Variants in HMG20A observed in about 807,000 individuals in gnomAD.
HMG20A encodes the protein high mobility group protein 20A.
In HMG20A, 17 loss-of-function variants were observed where a neutral mutation model predicts 43.9. That is an observed-to-expected ratio of 0.39 (90% CI 0.27 to 0.58). The LOEUF is 0.58. Ranked by LOEUF, HMG20A falls within the 20% of genes least tolerant of loss-of-function variation. The pLI is 0.59. For synonymous variants in HMG20A, 132 were observed against 147.5 expected, an observed-to-expected ratio of 0.89 and a Z score of 0.76; for missense variants, 341 against 438.2, an observed-to-expected ratio of 0.78 and a Z score of 1.98.
chr15:77,458,443 C>T lies in HMG20A; in HGVS notation c.36C>T (p.Pro12=), dbSNP rs755764606. 10 of 1,613,478 alleles carry T rather than the reference C, an allele frequency of 6.2e-6. No homozygotes were observed. Among genetic ancestry groups the T allele is most frequent in the Non-Finnish European group, 6.8e-6 (8 of 1,179,562 alleles). Residue 12 remains proline, a synonymous_variant, in exon 2 of 10, where the codon CCC becomes CCT. Coordinates refer to ENST00000336216, the MANE Select transcript of HMG20A (RefSeq NM_001304504.2). ...ENLMTSSTLP[P]LFADEDGSKE... is the part of the protein sequence containing the mutation. ...TGATGACTAGCTCCACCCTACCGCC[C>T]CTTTTTGCAGATGAAGACGGTTCCA... is the stretch of plus-strand genomic sequence containing the variant.
At chr15:77,511,561 C>T in the HMG20A span, among the ~76,000 whole-genome samples, 2 of 152,190 alleles carry the variant, frequency 1.3e-5, no homozygotes, top group Non-Finnish European at 2.9e-5. Context: ...ATATAAAGAA[C>T]TCCTGTGTCC....
chr15:77,460,975 G>A (rs781061382), intron 2 of HMG20A, among the ~76,000 whole-genome samples: 7 of 151,862 alleles, frequency 4.6e-5, no homozygotes, highest in Non-Finnish European at 1.0e-4. Context: ...GACAGAGCAA[G>A]CTCCATCTCA....
chr15:77,441,832 G>A (rs1378273366), intron 1 of HMG20A, among the ~76,000 whole-genome samples: 1 of 152,070 alleles, frequency 6.6e-6, no homozygotes, highest in Non-Finnish European at 1.5e-5. Context: ...AACACCCAGG[G>A]CCAAATTAAA....
intron 4 of HMG20A, among the ~76,000 whole-genome samples, chr15:77,469,908 TCCAC>T (rs1306463765): frequency 2.0e-5 from 3 of 152,164 alleles, no homozygotes; most frequent in African/African-American, 7.2e-5. Context: ...CCTCAAGTGA[TCCAC>T]CCACCTCGGT....
intron 6 of HMG20A, among the ~76,000 whole-genome samples, chr15:77,473,117 G>T (rs1055464547): frequency 6.6e-6 from 1 of 152,180 alleles, no homozygotes; most frequent in African/African-American, 2.4e-5. Context: ...AAAAGATTCA[G>T]ATTCACAGGT....
chr15:77,461,112 A>AG, intron 2 of HMG20A, among the ~76,000 whole-genome samples: 1 of 152,154 alleles, frequency 6.6e-6, no homozygotes, highest in Non-Finnish European at 1.5e-5. Flanking sequence ...AAAAAAAAAA[A>AG]GTATTTCAAG....
At chr15:77,451,046 A>G (rs796736084) in intron 1 of HMG20A, among the ~76,000 whole-genome samples, 38 of 152,268 alleles carry the variant, frequency 2.5e-4, no homozygotes, top group African/African-American at 8.7e-4. Context: ...GACTTCTTTC[A>G]CTTAGTAATA....
chr15:77,428,962 C>CA (rs36116258), intron 1 of HMG20A, among the ~76,000 whole-genome samples: 11,411 of 106,984 alleles, frequency 0.11, 532 homozygotes, highest in Non-Finnish European at 0.13. Context: ...GACTCTGTCT[C>CA]AAAAAAAAAA....
chr15:77,438,698 T>C (rs2073576974), intron 1 of HMG20A, among the ~76,000 whole-genome samples: 2 of 152,236 alleles, frequency 1.3e-5, no homozygotes, highest in Non-Finnish European at 2.9e-5. Flanking sequence ...TGAAACAGCT[T>C]TCAGGCTACT....
intron 2 of HMG20A, among the ~76,000 whole-genome samples, chr15:77,462,906 A>C (rs1595925120): frequency 6.6e-6 from 1 of 150,898 alleles, no homozygotes; most frequent in Non-Finnish European, 1.5e-5. Flanking sequence ...CTGAGTAGCT[A>C]GGATTACAGG....
intron 1 of HMG20A, among the ~76,000 whole-genome samples, chr15:77,451,586 A>G (rs532603742): frequency 6.6e-6 from 1 of 152,174 alleles, no homozygotes; most frequent in African/African-American, 2.4e-5. Context: ...GAGACACAGA[A>G]CCTATGGATA....
At chr15:77,422,918 A>ACATTAAT (rs2073386272) in intron 1 of HMG20A, among the ~76,000 whole-genome samples, 1 of 152,198 alleles carries the variant, frequency 6.6e-6, no homozygotes, top group Non-Finnish European at 1.5e-5. Context: ...CTTCTATATT[A>ACATTAAT]ATGTAATATA....
intron 1 of HMG20A, among the ~76,000 whole-genome samples, chr15:77,451,639 G>T (rs189352984): frequency 1.3e-5 from 2 of 152,138 alleles, no homozygotes; most frequent in Admixed American, 1.3e-4. Context: ...AGGGCCAATT[G>T]TGGGCATCTA....
intron 3 of HMG20A, among the ~76,000 whole-genome samples, chr15:77,466,734 G>C (rs2072760044): frequency 6.6e-6 from 1 of 152,198 alleles, no homozygotes; most frequent in Non-Finnish European, 1.5e-5. Context: ...CTCCTGTCAG[G>C]AATCAGGACC....
intron 1 of HMG20A, among the ~76,000 whole-genome samples, chr15:77,440,508 TGTGGTAATAAACAACCACAAAATCTCA>T (rs2073600254): frequency 6.6e-6 from 1 of 152,226 alleles, no homozygotes. Flanking sequence ...TTTATATTGC[TGTGGTAATAAACAACCACAAAATCTCA>T]GTGGCTTTCT....
At chr15:77,481,380 T>C (rs1056921061) in intron 9 of HMG20A, among the ~76,000 whole-genome samples, 1 of 152,226 alleles carries the variant, frequency 6.6e-6, no homozygotes, top group African/African-American at 2.4e-5. Context: ...CTCATCATCC[T>C]TCCCATTTTC....
At chr15:77,481,143 C>T (rs778387142) in intron 9 of HMG20A, among the ~76,000 whole-genome samples, 6 of 152,122 alleles carry the variant, frequency 3.9e-5, no homozygotes, top group Admixed American at 6.6e-5. Context: ...AGTCTTTATA[C>T]TTCTTGGTGA....
At chr15:77,464,076 A>G (rs2307141) in intron 2 of HMG20A, among the ~76,000 whole-genome samples, 164 bp from the exon 3 acceptor site, 31,063 of 152,198 alleles carry the variant, frequency 0.2, 3,934 homozygotes, top group Middle Eastern at 0.29. Flanking sequence ...CAGTTTTTTT[A>G]AAACGCCCTG....
the HMG20A span, among the ~76,000 whole-genome samples, chr15:77,506,908 C>T: frequency 2.5e-3 from 374 of 152,362 alleles, 2 homozygotes; most frequent in African/African-American, 8.3e-3. Context: ...GAGGCAAAGG[C>T]CTGGGCAGCC....
Sources: allele counts gnomAD v4.1 joint callset (sites outside exome capture counted in the v4.1 genomes callset), GRCh38; gene constraint gnomAD v4.1.1; transcripts MANE v1.5; gene names NCBI Gene and HGNC (gene_info 2026-07-23, HGNC 2026-07-21).